The following BBS9 variants were observed in gnomAD, a reference collection of about 807,000 sequenced individuals.
BBS9 encodes the protein Bardet-Biedl syndrome 9.
A neutral mutation model predicts 117.7 loss-of-function variants in BBS9; 89 were observed. The ratio of observed to expected loss-of-function variants is 0.76; its 90% confidence interval spans 0.64 to 0.90. BBS9 has a LOEUF of 0.90. Ranked by LOEUF, BBS9 falls within the 40% of genes least tolerant of loss-of-function variation. BBS9 has a pLI of 0.00. For missense variants in BBS9, 982 were observed against 1,042.2 expected (o/e 0.94, Z 0.80); for synonymous variants, 379 against 370.9 (o/e 1.02, Z -0.25).
intron 21 of BBS9, among the ~76,000 whole-genome samples, chr7:33,543,232 T>C (rs995752209): frequency 6.6e-6 from 1 of 152,216 alleles, no homozygotes; most frequent in African/African-American, 2.4e-5. Flanking sequence ...CATTTTTTCA[T>C]AGGTTTGTTG....
intron 19 of BBS9, among the ~76,000 whole-genome samples, chr7:33,464,847 A>T (rs1380370883): frequency 1.3e-5 from 2 of 152,078 alleles, no homozygotes; most frequent in East Asian, 3.9e-4. Context: ...TAATTTTGAG[A>T]TAAGGTCTTC....
intron 9 of BBS9, among the ~76,000 whole-genome samples, chr7:33,275,637 A>G (rs1800630228): frequency 6.6e-6 from 1 of 152,206 alleles, no homozygotes; most frequent in African/African-American, 2.4e-5. Context: ...ATACTTAAAA[A>G]TTATTGGGGT....
At chr7:33,140,060 C>G (rs1431127762) in intron 1 of BBS9, among the ~76,000 whole-genome samples, 1 of 152,022 alleles carries the variant, frequency 6.6e-6, no homozygotes, top group Non-Finnish European at 1.5e-5. Context: ...GAGTCTCACT[C>G]TGTCACCCAG....
At chr7:33,348,314 G>A (rs1584437725) in intron 12 of BBS9, among the ~76,000 whole-genome samples, 1 of 152,216 alleles carries the variant, frequency 6.6e-6, no homozygotes, top group East Asian at 1.9e-4. Flanking sequence ...GTTGTGGCAT[G>A]TAAATGAAAT....
intron 18 of BBS9, among the ~76,000 whole-genome samples, chr7:33,384,071 A>G (rs1319087451): frequency 6.6e-6 from 1 of 152,232 alleles, no homozygotes. Flanking sequence ...GCCCTGGAAC[A>G]GAGCTGATTT....
intron 5 of BBS9, among the ~76,000 whole-genome samples, chr7:33,207,621 A>T (rs1787182954): frequency 6.6e-6 from 1 of 151,550 alleles, no homozygotes. Context: ...TGCTGCAGCC[A>T]TCTATATAGT....
chr7:33,543,081 T>C (rs970232599), intron 21 of BBS9, among the ~76,000 whole-genome samples: 3 of 152,172 alleles, frequency 2.0e-5, no homozygotes, highest in African/African-American at 7.2e-5. Context: ...CCACCAGCAG[T>C]GTAGAAGTGT....
At chr7:33,457,888 A>C (rs1838876084) in intron 19 of BBS9, among the ~76,000 whole-genome samples, 1 of 152,176 alleles carries the variant, frequency 6.6e-6, no homozygotes, top group Non-Finnish European at 1.5e-5. Flanking sequence ...TCGTTTGCCA[A>C]ATAGTTGCCA....
intron 21 of BBS9, among the ~76,000 whole-genome samples, chr7:33,540,810 GT>G (rs1191959552): frequency 6.6e-6 from 1 of 152,218 alleles, no homozygotes; most frequent in Non-Finnish European, 1.5e-5. Context: ...GTGCGCAGCT[GT>G]TTTTTGGATT....
intron 1 of BBS9, among the ~76,000 whole-genome samples, chr7:33,135,332 A>G (rs147597500): frequency 2.6e-5 from 4 of 152,378 alleles, no homozygotes; most frequent in Middle Eastern, 3.4e-3. Context: ...GCTTATACTT[A>G]GATCTTTGAC....
intron 19 of BBS9, among the ~76,000 whole-genome samples, chr7:33,496,272 G>A (rs982472759): frequency 5.6e-4 from 85 of 152,208 alleles, no homozygotes; most frequent in African/African-American, 2.0e-3. Flanking sequence ...TTGAGAGGCC[G>A]AGGTGGGCAG....
rs180813001 is a variant in BBS9, at chr7:33,357,692, T to C, written c.1553-163T>C. 2.4e-4 allele frequency: 184 copies of C among 757,362 alleles called. 2 individuals are homozygous for C. The East Asian group carries it at 3.5e-3, about 14-fold the overall frequency. 46.9% of individuals were successfully genotyped at this position (757,362 alleles called of 1,614,324 possible). ...ACCTTTTGAAAATAGTAATGAAATA[T>C]GAATCATGATAATAATTTACAGTTA... On this transcript the variant is annotated intron_variant, in intron 15 of 22. Coordinates refer to ENST00000242067, the MANE Select transcript of BBS9 (RefSeq NM_198428.3).
intron 19 of BBS9, among the ~76,000 whole-genome samples, chr7:33,404,377 G>T (rs1184151141): frequency 6.6e-6 from 1 of 152,110 alleles, no homozygotes; most frequent in East Asian, 1.9e-4. Context: ...CCAATTCTGT[G>T]AAGAAAGTCA....
At chr7:33,396,165 T>A (rs971581004) in intron 19 of BBS9, among the ~76,000 whole-genome samples, 5 of 152,256 alleles carry the variant, frequency 3.3e-5, no homozygotes, top group Admixed American at 2.0e-4. Context: ...TACTCTTGAA[T>A]ATTTAGGCAA....
intron 5 of BBS9, among the ~76,000 whole-genome samples, chr7:33,238,678 A>G (rs936492266): frequency 2.6e-5 from 4 of 152,072 alleles, no homozygotes; most frequent in Non-Finnish European, 5.9e-5. Context: ...AGTATTTTCT[A>G]TTTTTGCCAC....
intron 17 of BBS9, among the ~76,000 whole-genome samples, chr7:33,383,240 G>C (rs1825401543): frequency 6.6e-6 from 1 of 152,166 alleles, no homozygotes; most frequent in Admixed American, 6.5e-5. Flanking sequence ...TATGCTGATT[G>C]CAGTATCCAG....
chr7:33,191,625 C>T (rs1784133584), intron 5 of BBS9, among the ~76,000 whole-genome samples: 1 of 152,194 alleles, frequency 6.6e-6, no homozygotes, highest in South Asian at 2.1e-4. Context: ...CTGTCCTGGG[C>T]TGAATGCAGC....
intron 5 of BBS9, among the ~76,000 whole-genome samples, chr7:33,221,306 T>A (rs1014965061): frequency 9.2e-5 from 14 of 152,218 alleles, no homozygotes; most frequent in African/African-American, 3.1e-4. Flanking sequence ...GTCCACTCTG[T>A]TCCAGTCTGT....
chr7:33,151,651 G>A (rs1404816382), intron 2 of BBS9, among the ~76,000 whole-genome samples: 1 of 151,950 alleles, frequency 6.6e-6, no homozygotes, highest in Admixed American at 6.6e-5. Context: ...CCGGATTCCA[G>A]CGATTCTCCT....
Sources: gnomAD v4.1 joint callset for allele counts (sites outside exome capture counted in the v4.1 genomes callset) on GRCh38, gnomAD v4.1.1 for gene constraint, MANE v1.5 for transcripts, NCBI Gene and HGNC (gene_info 2026-07-23, HGNC 2026-07-21) for gene names.